Variants in KRT23 observed in about 807,000 individuals in gnomAD.
KRT23 encodes the protein keratin 23.
KRT23 carries 38 observed loss-of-function variants against 47.6 expected under a neutral mutation model. That is an observed-to-expected ratio of 0.80 (90% confidence interval 0.62 to 1.05). KRT23 has a LOEUF of 1.05. Among genes scored for constraint, KRT23 ranks in the 50% least tolerant of loss-of-function variants. The probability of loss-of-function intolerance (pLI) is 0.00; values close to 1 mark genes in which losing one functional copy is unlikely to be tolerated. For missense variants in KRT23, 503 were observed against 529.5 expected, an observed-to-expected ratio of 0.95 and a Z score of 0.49; for synonymous variants, 191 against 199.0, an observed-to-expected ratio of 0.96 and a Z score of 0.34.
intron 6 of KRT23, among the ~76,000 whole-genome samples, chr17:40,926,200 G>A (rs1909214312): frequency 6.6e-6 from 1 of 152,126 alleles, no homozygotes; most frequent in Non-Finnish European, 1.5e-5. Flanking sequence ...CTAGAATATG[G>A]AGGATTGAGT....
chr17:40,936,111 A>T, intron 2 of KRT23, 97 bp downstream of exon 2: 1 of 1,357,096 alleles, frequency 7.4e-7, no homozygotes, highest in Non-Finnish European at 1.0e-6. Context: ...CGCTGATGCC[A>T]TTTTCCTGGA....
chr17:40,930,488 G>A (rs188468179), intron 3 of KRT23, among the ~76,000 whole-genome samples: 459 of 152,118 alleles, frequency 3.0e-3, no homozygotes, highest in African/African-American at 0.01. Context: ...TAAACAGGCC[G>A]GGCACGGTGG....
chr17:40,922,832 A>G lies in KRT23; in HGVS notation c.*157T>C, dbSNP rs1208460769. 10 of 595,582 alleles carry G rather than the reference A, an allele frequency of 1.7e-5. No individual in the cohort carries two copies. 36.9% of individuals were successfully genotyped at this position (595,582 alleles called of 1,614,324 possible). A position where few individuals can be genotyped will look rare whatever the true frequency, so the allele number is the denominator to read the frequency against. On this transcript the variant is annotated 3_prime_UTR_variant, in exon 9 of 9. Coordinates refer to ENST00000209718, the MANE Select transcript of KRT23 (RefSeq NM_015515.5). ...AAAAGTGCAATATATTAAGAGCATT[A>G]TGAGAAGTCTGGTGAGACTGTTACA...
At chr17:40,932,123 T>C (rs1362138936) in intron 2 of KRT23, among the ~76,000 whole-genome samples, 1 of 152,196 alleles carries the variant, frequency 6.6e-6, no homozygotes, top group Non-Finnish European at 1.5e-5. Context: ...GGTGTGTTTA[T>C]GTCATTGCAA....
chr17:40,936,773 T>TGGTC lies in KRT23; in HGVS notation c.-174_-171dup, dbSNP rs1910112959. On this transcript the variant is annotated 5_prime_UTR_variant, in exon 2 of 9. Transcript: ENST00000209718. The stretch of plus-strand genomic sequence containing the variant: ...TCATTGTGCAACTTGTGTTTCCTCT[T>TGGTC]GGTCAATCCCAAAGTGCCCCTGGGC... 3.4e-6 allele frequency: 2 copies of TGGTC among 580,442 alleles called. No homozygotes were observed. Among genetic ancestry groups the TGGTC allele is most frequent in the Admixed American group, 7.6e-5 (2 of 26,292 alleles). 36.0% of individuals were successfully genotyped at this position (580,442 alleles called of 1,614,324 possible).
rs779296191 is a variant in KRT23, at chr17:40,922,971, C to T, written c.*18G>A. On this transcript the variant is annotated 3_prime_UTR_variant, in exon 9 of 9. Coordinates refer to ENST00000209718, the MANE Select transcript of KRT23 (RefSeq NM_015515.5). ...GGGGGAAAATAGATTTTACAACAGGCGGAAACTTTCATTGGTCTCATGCGT... is the reference window on the plus strand; with the variant it reads ...GGGGGAAAATAGATTTTACAACAGGTGGAAACTTTCATTGGTCTCATGCGT... The T allele has an allele frequency of 2.1e-5, 34 of 1,584,578 alleles. No homozygotes were observed. The African/African-American group carries it at 2.6e-4, about 12-fold the overall frequency.
At chr17:40,929,027 CAAAAAAAA>C (rs3067615) in intron 4 of KRT23, among the ~76,000 whole-genome samples, 1 of 64,290 alleles carries the variant, frequency 1.6e-5, no homozygotes, top group African/African-American at 6.4e-5. Context: ...ACCCTGTCTC[CAAAAAAAA>C]AAAAAAAAAA....
intron 6 of KRT23, among the ~76,000 whole-genome samples, chr17:40,927,390 T>A (rs1567794432): frequency 1.3e-5 from 2 of 152,202 alleles, no homozygotes; most frequent in Non-Finnish European, 2.9e-5. Flanking sequence ...CTATAATTAT[T>A]TTTGTACTCA....
At chr17:40,928,177 T>A in intron 6 of KRT23, 61 bp downstream of exon 6, 1 of 1,607,614 alleles carries the variant, frequency 6.2e-7, no homozygotes, top group South Asian at 1.1e-5. Flanking sequence ...GGGAGAGAGG[T>A]CTCAGAAGGC....
intron 8 of KRT23, among the ~76,000 whole-genome samples, chr17:40,923,754 A>T (rs1909067363): frequency 6.6e-6 from 1 of 152,242 alleles, no homozygotes; most frequent in Non-Finnish European, 1.5e-5. Context: ...CAGTGAGACC[A>T]GCTGTCCTGT....
At position 40,936,755 on chromosome 17, in the gene KRT23, G is replaced by A; in HGVS notation, c.-152C>T. On this transcript the variant is annotated 5_prime_UTR_variant, in exon 2 of 9. Transcript: ENST00000209718. Reference sequence around the variant, plus strand: ...TGTACCAACAAGATTGTATCATTGTGCAACTTGTGTTTCCTCTTGGTCAAT... The same window carrying A: ...TGTACCAACAAGATTGTATCATTGTACAACTTGTGTTTCCTCTTGGTCAAT... 1.5e-6 allele frequency: 1 copy of A among 686,144 alleles called. No homozygotes were observed. Among genetic ancestry groups the A allele is most frequent in the Non-Finnish European group, 2.2e-6 (1 of 461,982 alleles). 42.5% of individuals were successfully genotyped at this position (686,144 alleles called of 1,614,324 possible).
In KRT23 at chr17:40,931,400, C is replaced by G; in HGVS notation, c.452G>C (p.Arg151Thr). Reference sequence around the variant, plus strand: ...GAGGTTGAAGTCATCCACTGCCATCCTGGCATTGTCAATGAGAAGAATAAT... The same window carrying G: ...GAGGTTGAAGTCATCCACTGCCATCGTGGCATTGTCAATGAGAAGAATAAT... ...AQIILLIDNA[R>T]MAVDDFNLKY... Residue 151 changes from arginine (R) to threonine (T), a missense_variant, in exon 3 of 9, where the codon AGG (arginine) becomes ACG (threonine). Transcript: ENST00000209718. 6.2e-7 allele frequency: 1 copy of G among 1,613,198 alleles called. No homozygotes were observed. Among genetic ancestry groups the G allele is most frequent in the Non-Finnish European group, 8.5e-7 (1 of 1,179,086 alleles).
chr17:40,922,943 C>T lies in KRT23; in HGVS notation c.*46G>A. 1.4e-6 allele frequency: 2 copies of T among 1,421,352 alleles called. No homozygotes were observed. The highest frequency in any genetic ancestry group is 1.2e-5 in the South Asian group (1 of 86,802). The allele number at this position is 1,421,352 out of a possible 1,614,324, so 88.0% of individuals were successfully genotyped here. On this transcript the variant is annotated 3_prime_UTR_variant, in exon 9 of 9. Coordinates refer to ENST00000209718, the MANE Select transcript of KRT23 (RefSeq NM_015515.5). Reference sequence around the variant, plus strand: ...CACTGGTGTCTGTGCAAGGACTTTCCTTGGGGGAAAATAGATTTTACAACA... The same window carrying T: ...CACTGGTGTCTGTGCAAGGACTTTCTTTGGGGGAAAATAGATTTTACAACA...
At chr17:40,927,037 C>T (rs1351767096) in intron 6 of KRT23, among the ~76,000 whole-genome samples, 2 of 152,148 alleles carry the variant, frequency 1.3e-5, no homozygotes, top group Non-Finnish European at 2.9e-5. Context: ...GGAACACATC[C>T]CATCACCACA....
chr17:40,927,559 A>G (rs1485789647), intron 6 of KRT23, among the ~76,000 whole-genome samples: 2 of 152,240 alleles, frequency 1.3e-5, no homozygotes, highest in African/African-American at 4.8e-5. Flanking sequence ...ATGAATGATT[A>G]GAAGACTCAA....
At chr17:40,931,708 A>G (rs1451770433) in intron 2 of KRT23, among the ~76,000 whole-genome samples, 3 of 152,136 alleles carry the variant, frequency 2.0e-5, no homozygotes, top group African/African-American at 4.8e-5. Context: ...TTTTATGTTG[A>G]GTTTTGACAG....
Position 40,936,495 on chromosome 17 carries a change from C to T in KRT23, c.109G>A (p.Gly37Ser), listed in dbSNP as rs759379498. Residue 37 changes from glycine to serine, a missense_variant, in exon 2 of 9, where the codon GGT becomes AGT. Gly to Ser is a moderately conservative substitution (Grantham distance 56). Transcript: ENST00000209718. ...AGGGAGATGCGGGCTCCCCCCGCAC[C>T]GCCATGGACGGTGGGAGCCCTGGGG... ...SFPRAPTVHG[G>S]AGGARISLSF... 67 of 1,542,508 alleles carry T rather than the reference C, an allele frequency of 4.3e-5. No homozygotes were observed. The East Asian group carries it at 1.4e-3, about 33-fold the overall frequency.
chr17:40,931,990 T>G (rs576116012), intron 2 of KRT23, among the ~76,000 whole-genome samples: 4 of 152,216 alleles, frequency 2.6e-5, no homozygotes, highest in Non-Finnish European at 4.4e-5. Context: ...TAATTCTTAC[T>G]TGTGATAGCA....
intron 4 of KRT23, among the ~76,000 whole-genome samples, chr17:40,929,134 T>C (rs773204142): frequency 6.6e-5 from 10 of 151,182 alleles, no homozygotes; most frequent in Admixed American, 1.3e-4. Flanking sequence ...AGAATTATGC[T>C]TCCATAGTGT....
Sources: allele counts gnomAD v4.1 joint callset (sites outside exome capture counted in the v4.1 genomes callset), GRCh38; gene constraint gnomAD v4.1.1; transcripts MANE v1.5; gene names NCBI Gene and HGNC (gene_info 2026-07-23, HGNC 2026-07-21).